The following KLF12 variants were observed in gnomAD, a reference collection of about 807,000 sequenced individuals.
The protein encoded by KLF12 is Krueppel-like factor 12.
Under a neutral mutation model 37.8 loss-of-function variants are expected in KLF12, and 9 were observed. That is an observed-to-expected ratio of 0.24 (90% CI 0.14 to 0.42). KLF12 has a LOEUF of 0.42. Ranked by LOEUF, KLF12 falls within the 10% of genes least tolerant of loss-of-function variation. The probability of loss-of-function intolerance (pLI) is 1.00; values close to 1 mark genes in which losing one functional copy is unlikely to be tolerated. For missense variants in KLF12, 411 were observed against 516.0 expected (o/e 0.80, Z 1.97); for synonymous variants, 208 against 202.1 (o/e 1.03, Z -0.25).
rs1378365982 is a variant in KLF12, at chr13:73,695,287, C to T, written c.*203G>A. On this transcript the variant is annotated 3_prime_UTR_variant, in exon 8 of 8. Transcript: ENST00000377669. ...ATTTATGTCACTGAGCTCCCAGGCC[C>T]GGGTAAAGACGGTTCTCGTCTAGTC... 7 of 547,122 alleles carry T rather than the reference C, an allele frequency of 1.3e-5. No homozygotes were observed. The highest frequency in any genetic ancestry group is 3.2e-5 in the Admixed American group (1 of 31,540). 33.9% of individuals were successfully genotyped at this position (547,122 alleles called of 1,614,324 possible).
chr13:74,253,005 ATCTATCTATCTATCTATCTG>A, the KLF12 span, among the ~76,000 whole-genome samples: 143 of 132,874 alleles, frequency 1.1e-3, no homozygotes, highest in African/African-American at 5.0e-3. Context: ...CTATCTATCT[ATCTATCTATCTATCTATCTG>A]TCTGTCTATC....
At chr13:74,261,195 C>A in the KLF12 span, among the ~76,000 whole-genome samples, 1 of 152,140 alleles carries the variant, frequency 6.6e-6, no homozygotes. Flanking sequence ...TTTGAGAAGA[C>A]CTAGTGGTTA....
intron 2 of KLF12, among the ~76,000 whole-genome samples, chr13:73,992,253 T>G (rs1223752402): frequency 1.3e-5 from 2 of 152,208 alleles, no homozygotes; most frequent in African/African-American, 2.4e-5. Context: ...AGAGGACAAC[T>G]GCTGAAATAC....
chr13:74,224,997 T>A, the KLF12 span, among the ~76,000 whole-genome samples: 1 of 152,072 alleles, frequency 6.6e-6, no homozygotes, highest in African/African-American at 2.4e-5. Context: ...CCCAGAAAAA[T>A]TGGAACTTTT....
At chr13:74,075,220 G>T (rs1473014739) in intron 1 of KLF12, among the ~76,000 whole-genome samples, 1 of 152,182 alleles carries the variant, frequency 6.6e-6, no homozygotes, top group Non-Finnish European at 1.5e-5. Flanking sequence ...AGCTTCAAAG[G>T]TTCTGGCCAG....
rs556249170 is a variant in KLF12, at chr13:73,952,974, G to A, written c.34-8904C>T. On this transcript the variant is annotated intron_variant, in intron 2 of 7. Coordinates refer to ENST00000377669, the MANE Select transcript of KLF12 (RefSeq NM_007249.5). ...TTGAGAGACAGTTCAGAGCTGTACA[G>A]CCTTTGATGACTGAGATGAAGGAAG... is the stretch of plus-strand genomic sequence containing the variant. 2.6e-5 allele frequency among the ~76,000 whole-genome samples: 4 copies of A among 152,318 alleles called. No individual in the cohort carries two copies. The East Asian group carries it at 7.7e-4, about 29-fold the overall frequency.
chr13:74,189,890 A>G, the KLF12 span, among the ~76,000 whole-genome samples: 1 of 152,194 alleles, frequency 6.6e-6, no homozygotes. Context: ...ACATTAAAAA[A>G]CATTTAATGT....
the KLF12 span, among the ~76,000 whole-genome samples, chr13:74,225,202 C>A: frequency 6.6e-6 from 1 of 152,090 alleles, no homozygotes; most frequent in Admixed American, 6.6e-5. Flanking sequence ...TGTATGTAGC[C>A]TTCTCTCCCT....
intron 4 of KLF12, among the ~76,000 whole-genome samples, chr13:73,839,072 T>C (rs1884593855): frequency 6.6e-6 from 1 of 151,754 alleles, no homozygotes; most frequent in African/African-American, 2.4e-5. Context: ...TCCCCAGATC[T>C]TTATTTGGCT....
chr13:74,165,078 A>T, the KLF12 span, among the ~76,000 whole-genome samples: 8 of 152,212 alleles, frequency 5.3e-5, no homozygotes, highest in Admixed American at 6.5e-5. Context: ...CAAAGAAATG[A>T]TAAATGCCTG....
chr13:74,096,310 C>A (rs1201255623), intron 1 of KLF12, among the ~76,000 whole-genome samples: 1 of 152,146 alleles, frequency 6.6e-6, no homozygotes, highest in South Asian at 2.1e-4. Flanking sequence ...TACCCACTGC[C>A]CCTTTCACTG....
chr13:73,954,453 T>G (rs1250336630), intron 2 of KLF12, among the ~76,000 whole-genome samples: 2 of 152,214 alleles, frequency 1.3e-5, no homozygotes, highest in Admixed American at 1.3e-4. Flanking sequence ...GAAAAAATGA[T>G]CTTTAGATTT....
At chr13:73,818,214 C>T (rs988943265) in intron 4 of KLF12, among the ~76,000 whole-genome samples, 4 of 152,366 alleles carry the variant, frequency 2.6e-5, no homozygotes, top group Admixed American at 6.5e-5. Flanking sequence ...GGCGCGATCT[C>T]GGCTCACTGC....
chr13:74,162,534 G>C, the KLF12 span, among the ~76,000 whole-genome samples: 3 of 152,264 alleles, frequency 2.0e-5, no homozygotes, highest in East Asian at 5.8e-4. Flanking sequence ...TCTTTTGTCT[G>C]TGTGTGTGTA....
At chr13:73,860,248 G>A (rs759448975) in intron 3 of KLF12, among the ~76,000 whole-genome samples, 12 of 152,164 alleles carry the variant, frequency 7.9e-5, no homozygotes, top group Non-Finnish European at 1.2e-4. Flanking sequence ...ACTCTTCTGT[G>A]CTTCCAAAGC....
At chr13:73,938,373 G>A (rs1890042067) in intron 3 of KLF12, among the ~76,000 whole-genome samples, 2 of 152,190 alleles carry the variant, frequency 1.3e-5, no homozygotes, top group Admixed American at 1.3e-4. Flanking sequence ...ACATTCCATA[G>A]CACATTTCCA....
chr13:74,031,794 A>C (rs1893121023), intron 1 of KLF12, among the ~76,000 whole-genome samples: 2 of 50,108 alleles, frequency 4.0e-5, no homozygotes, highest in South Asian at 1.2e-3. Flanking sequence ...CAACAAATAC[A>C]AATCTGAAAA....
chr13:73,788,002 G>T (rs1881458129), intron 5 of KLF12, among the ~76,000 whole-genome samples: 1 of 152,000 alleles, frequency 6.6e-6, no homozygotes, highest in East Asian at 1.9e-4. Context: ...AAGTATTTTA[G>T]GTAATAAAAA....
the KLF12 span, among the ~76,000 whole-genome samples, chr13:74,225,353 G>A: frequency 3.9e-5 from 6 of 152,050 alleles, no homozygotes; most frequent in African/African-American, 9.7e-5. Flanking sequence ...CCTTAAGGAC[G>A]TTAGCTGTTT....
Sources: allele counts gnomAD v4.1 joint callset (sites outside exome capture counted in the v4.1 genomes callset), GRCh38; gene constraint gnomAD v4.1.1; transcripts MANE v1.5; gene names NCBI Gene and HGNC (gene_info 2026-07-23, HGNC 2026-07-21).